SEMA3D: variants seen among roughly 807,000 people sequenced by gnomAD.
SEMA3D encodes the protein semaphorin-3D.
A neutral mutation model predicts 100.1 loss-of-function variants in SEMA3D; 84 were observed. The ratio of observed to expected loss-of-function variants is 0.84; its 90% confidence interval spans 0.70 to 1.01. The LOEUF (loss-of-function observed/expected upper bound fraction) is 1.01. Among genes scored for constraint, SEMA3D ranks in the 50% least tolerant of loss-of-function variants. SEMA3D has a pLI of 0.00. For missense variants in SEMA3D, 875 were observed against 934.1 expected (o/e 0.94, Z 0.82); for synonymous variants, 312 against 320.7 (o/e 0.97, Z 0.29).
At chr7:85,030,629 T>C (rs1790522194) in intron 12 of SEMA3D, among the ~76,000 whole-genome samples, 1 of 152,080 alleles carries the variant, frequency 6.6e-6, no homozygotes, top group Admixed American at 6.6e-5. Flanking sequence ...AAGGGAATGG[T>C]TTAAAACTGA....
At chr7:85,137,066 C>T (rs1789888431) in intron 2 of SEMA3D, among the ~76,000 whole-genome samples, 1 of 151,892 alleles carries the variant, frequency 6.6e-6, no homozygotes, top group Non-Finnish European at 1.5e-5. Context: ...CATACATAGA[C>T]TTTTTTCTTT....
chr7:84,998,792 C>G lies in SEMA3D; in HGVS notation c.*648G>C, dbSNP rs938905912. On this transcript the variant is annotated 3_prime_UTR_variant, in exon 19 of 19. Transcript: ENST00000284136. ...ACTTCTCTCTGTGAACCTGTTACTCCTGACTAGTCAATAGAAATCCTGGGG... is the reference window on the plus strand; with the variant it reads ...ACTTCTCTCTGTGAACCTGTTACTCGTGACTAGTCAATAGAAATCCTGGGG... The G allele has an allele frequency of 6.6e-6, 1 of 152,522 alleles. No individual in the cohort carries two copies. Among genetic ancestry groups the G allele is most frequent in the Non-Finnish European group, 1.5e-5 (1 of 68,332 alleles). 9.4% of individuals were successfully genotyped at this position (152,522 alleles called of 1,614,324 possible).
intron 2 of SEMA3D, 145 bp from the exon 3 acceptor site, chr7:85,122,076 A>T: frequency 1.4e-5 from 6 of 443,350 alleles, no homozygotes; most frequent in Middle Eastern, 6.2e-4. Context: ...ATAGCATACC[A>T]GGGCCTGTTG....
chr7:85,010,998 A>G (rs1212936606), intron 17 of SEMA3D, among the ~76,000 whole-genome samples: 2 of 151,816 alleles, frequency 1.3e-5, no homozygotes, highest in Non-Finnish European at 2.9e-5. Flanking sequence ...CCAGAAGGAT[A>G]TGGTACAAGG....
At chr7:85,093,501 C>T (rs569867701) in intron 4 of SEMA3D, among the ~76,000 whole-genome samples, 1 of 151,996 alleles carries the variant, frequency 6.6e-6, no homozygotes, top group East Asian at 1.9e-4. Context: ...GAGAAAGAAC[C>T]GGGTCCTCGA....
At chr7:85,234,480 G>A in the SEMA3D span, among the ~76,000 whole-genome samples, 2 of 152,174 alleles carry the variant, frequency 1.3e-5, no homozygotes, top group African/African-American at 4.8e-5. Context: ...GAGATCAGTG[G>A]TCCTATTGCA....
chr7:85,237,645 A>G, the SEMA3D span, among the ~76,000 whole-genome samples: 829 of 152,190 alleles, frequency 5.4e-3, 11 homozygotes, highest in African/African-American at 0.019. Context: ...AAAATATTCT[A>G]TTGCCTGATG....
At chr7:85,164,310 G>A (rs949878726) in intron 1 of SEMA3D, among the ~76,000 whole-genome samples, 10 of 151,994 alleles carry the variant, frequency 6.6e-5, no homozygotes, top group African/African-American at 2.2e-4. Context: ...AGTTGTTATT[G>A]TTTGTTTTAA....
At chr7:85,086,724 T>C (rs1159118492) in intron 4 of SEMA3D, among the ~76,000 whole-genome samples, 3 of 151,586 alleles carry the variant, frequency 2.0e-5, no homozygotes, top group East Asian at 1.9e-4. Flanking sequence ...CACGCAGTTA[T>C]ATAAAGGGAA....
At chr7:85,185,272 A>C (rs1435496126) in intron 1 of SEMA3D, among the ~76,000 whole-genome samples, 1 of 151,922 alleles carries the variant, frequency 6.6e-6, no homozygotes, top group East Asian at 1.9e-4. Context: ...GAGATGTCTC[A>C]GACCTCTCCT....
intron 8 of SEMA3D, among the ~76,000 whole-genome samples, chr7:85,061,777 C>G (rs1311514528): frequency 6.6e-6 from 1 of 152,190 alleles, no homozygotes; most frequent in African/African-American, 2.4e-5. Flanking sequence ...TGGGGAACTC[C>G]TGAATGACTG....
Position 85,128,202 on chromosome 7 carries a change from C to T in SEMA3D, c.-40-6271G>A, listed in dbSNP as rs149424502. On this transcript the variant is annotated intron_variant, in intron 2 of 18. Coordinates refer to ENST00000284136, the MANE Select transcript of SEMA3D (RefSeq NM_001384900.1). ...TTTATTTTTGAGGCAGAGTCTCACT[C>T]TGTCAACCAGACAGGAGTGCAGTGG... 2.2e-3 allele frequency among the ~76,000 whole-genome samples: 330 copies of T among 151,892 alleles called. 4 individuals carry two copies. The highest frequency in any genetic ancestry group is 7.6e-3 in the African/African-American group (314 of 41,454).
intron 9 of SEMA3D, among the ~76,000 whole-genome samples, chr7:85,045,070 C>T (rs560566016): frequency 1.3e-5 from 2 of 151,974 alleles, no homozygotes; most frequent in African/African-American, 4.8e-5. Context: ...AAGGCAAAAA[C>T]TTCACTGAAG....
intron 17 of SEMA3D, among the ~76,000 whole-genome samples, chr7:85,009,221 A>G (rs1789884783): frequency 6.6e-6 from 1 of 151,694 alleles, no homozygotes; most frequent in African/African-American, 2.4e-5. Context: ...TAAAATGCCT[A>G]GAATACCTCT....
Position 85,185,090 on chromosome 7 carries a change from GGAAAAGGAGAAC to G in SEMA3D, c.-173+1576_-173+1587del, listed in dbSNP as rs765433028. ...AGGAAAAGGAGAAGGAAAAGGAGAAGGAAAAGGAGAACAAAAAGGAGAAGGCAAGGCATCACT... is the reference window on the plus strand; with the variant it reads ...AGGAAAAGGAGAAGGAAAAGGAGAAGAAAAAGGAGAAGGCAAGGCATCACT... On this transcript the variant is annotated intron_variant, in intron 1 of 18. Transcript: ENST00000284136. Among the ~76,000 whole-genome samples the G allele has an allele frequency of 8.9e-3, 1,360 of 151,998 alleles. 19 individuals are homozygous for G. Among genetic ancestry groups the G allele is most frequent in the African/African-American group, 0.03 (1,250 of 41,506 alleles).
intron 2 of SEMA3D, among the ~76,000 whole-genome samples, chr7:85,146,861 A>G (rs1790220265): frequency 6.6e-6 from 1 of 151,998 alleles, no homozygotes. Flanking sequence ...TCAAAGGAGT[A>G]GCAAATTTAA....
chr7:85,229,936 T>C, the SEMA3D span, among the ~76,000 whole-genome samples: 3 of 152,128 alleles, frequency 2.0e-5, no homozygotes, highest in African/African-American at 4.8e-5. Flanking sequence ...AGAAAAAAAC[T>C]CTTCTTAACT....
chr7:85,107,488 AG>A (rs1788964195), intron 3 of SEMA3D, among the ~76,000 whole-genome samples: 1 of 152,078 alleles, frequency 6.6e-6, no homozygotes, highest in African/African-American at 2.4e-5. Flanking sequence ...TATCTTCCTT[AG>A]TTTCTCTCCC....
intron 12 of SEMA3D, among the ~76,000 whole-genome samples, chr7:85,026,838 G>T (rs532116416): frequency 1.3e-5 from 2 of 152,068 alleles, no homozygotes; most frequent in South Asian, 4.2e-4. Context: ...AAATAGTTTA[G>T]GTGGGGCAGA....
Sources: allele counts gnomAD v4.1 joint callset (sites outside exome capture counted in the v4.1 genomes callset), GRCh38; gene constraint gnomAD v4.1.1; transcripts MANE v1.5; gene names NCBI Gene and HGNC (gene_info 2026-07-23, HGNC 2026-07-21).